Variants in GRID1 observed in about 807,000 individuals in gnomAD.
The protein encoded by GRID1 is glutamate receptor ionotropic, delta-1.
GRID1 carries 28 observed loss-of-function variants against 98.0 expected under a neutral mutation model. That is an observed-to-expected ratio of 0.29 (90% CI 0.21 to 0.39). The LOEUF (loss-of-function observed/expected upper bound fraction) is 0.39. Ranked by LOEUF, GRID1 falls within the 10% of genes least tolerant of loss-of-function variation. The probability of loss-of-function intolerance (pLI) is 1.00; values close to 1 mark genes in which losing one functional copy is unlikely to be tolerated. For missense variants in GRID1, 1,111 were observed against 1,340.5 expected, an observed-to-expected ratio of 0.83 and a Z score of 2.67; for synonymous variants, 553 against 538.5, an observed-to-expected ratio of 1.03 and a Z score of -0.37.
intron 2 of GRID1, among the ~76,000 whole-genome samples, chr10:86,343,533 T>C (rs1406034211): frequency 5.3e-5 from 8 of 152,174 alleles, no homozygotes; most frequent in Non-Finnish European, 8.8e-5. Context: ...ACTGATAAAA[T>C]GAGATGAAAT....
intron 5 of GRID1, among the ~76,000 whole-genome samples, chr10:85,887,369 C>G (rs754557800): frequency 1.3e-5 from 2 of 152,156 alleles, no homozygotes; most frequent in Non-Finnish European, 2.9e-5. Context: ...TTAGCTGCCC[C>G]CTAAAAACTT....
intron 13 of GRID1, among the ~76,000 whole-genome samples, chr10:85,622,203 C>T (rs1055388945): frequency 1.3e-5 from 2 of 151,970 alleles, no homozygotes; most frequent in Non-Finnish European, 2.9e-5. Flanking sequence ...TGAAAGCACC[C>T]ACATTTATAG....
At chr10:86,073,564 C>G (rs1843834861) in intron 4 of GRID1, among the ~76,000 whole-genome samples, 1 of 152,152 alleles carries the variant, frequency 6.6e-6, no homozygotes, top group Admixed American at 6.5e-5. Flanking sequence ...CTGGAATGAT[C>G]CAGGGGGTGA....
At chr10:86,003,418 T>C (rs865949826) in intron 4 of GRID1, among the ~76,000 whole-genome samples, 1 of 152,234 alleles carries the variant, frequency 6.6e-6, no homozygotes, top group East Asian at 1.9e-4. Flanking sequence ...AAACAAGAAG[T>C]ATTTTTAATT....
intron 4 of GRID1, among the ~76,000 whole-genome samples, chr10:85,934,217 T>C (rs185981843): frequency 6.6e-6 from 1 of 152,220 alleles, no homozygotes; most frequent in East Asian, 1.9e-4. Context: ...ATGGAGGTAC[T>C]GGGCTGAAAG....
chr10:85,863,770 C>T (rs996711853), intron 6 of GRID1, among the ~76,000 whole-genome samples: 2 of 152,212 alleles, frequency 1.3e-5, no homozygotes, highest in African/African-American at 4.8e-5. Flanking sequence ...ATCTGCCTTC[C>T]TGGCAGCAGC....
intron 5 of GRID1, among the ~76,000 whole-genome samples, chr10:85,869,423 C>T (rs76088362): frequency 0.031 from 4,702 of 152,304 alleles, 92 homozygotes; most frequent in Middle Eastern, 0.058. Flanking sequence ...GACTAAACCA[C>T]TGGTGCACTG....
At chr10:85,962,592 C>T (rs1842284657) in intron 4 of GRID1, among the ~76,000 whole-genome samples, 1 of 152,180 alleles carries the variant, frequency 6.6e-6, no homozygotes, top group Non-Finnish European at 1.5e-5. Flanking sequence ...ACACTAACAG[C>T]TCCCAGTGGG....
At position 85,727,789 on chromosome 10, in the gene GRID1, A is replaced by G; in HGVS notation, c.1533+66T>C. On this transcript the variant is annotated intron_variant, in intron 10 of 15. Coordinates refer to ENST00000327946, the MANE Select transcript of GRID1 (RefSeq NM_017551.3). The stretch of plus-strand genomic sequence containing the variant: ...AAGGTTTCCACTGTGCAATTGGTCA[A>G]GTTTAGATATTACCCCAGAGGAAGA... 10 of 1,251,618 alleles carry G rather than the reference A, an allele frequency of 8.0e-6. No homozygotes were observed. The South Asian group carries it at 1.1e-4, about 14-fold the overall frequency. The allele number at this position is 1,251,618 out of a possible 1,614,324, so 77.5% of individuals were successfully genotyped here. A position where few individuals can be genotyped will look rare whatever the true frequency, so the allele number is the denominator to read the frequency against.
rs780471177 is a variant in GRID1, at chr10:86,197,388, C to A, written c.520+8976G>T. Among the ~76,000 whole-genome samples the A allele has an allele frequency of 6.1e-4, 93 of 152,214 alleles. 1 individual carries two copies. Among genetic ancestry groups the A allele is most frequent in the Non-Finnish European group, 1.1e-3 (78 of 67,956 alleles). ...GACAGGGAGCAGGAGGAGGGGAGGT[C>A]CCATCTGGACTAGTGGTCCTTCCAG... On this transcript the variant is annotated intron_variant, in intron 3 of 15. Coordinates refer to ENST00000327946, the MANE Select transcript of GRID1 (RefSeq NM_017551.3).
chr10:86,098,940 T>A (rs991550655), intron 4 of GRID1, among the ~76,000 whole-genome samples: 5 of 152,210 alleles, frequency 3.3e-5, no homozygotes. Flanking sequence ...CCACTTGAAA[T>A]AATATTAGTA....
rs912808589 is a variant in GRID1 at position 86,021,002 on chromosome 10, C to T, written c.727-104763G>A. Among the ~76,000 whole-genome samples the T allele has an allele frequency of 7.9e-5, 12 of 152,116 alleles. 1 individual carries two copies. The highest frequency in any genetic ancestry group is 2.2e-4 in the African/African-American group (9 of 41,484). Reference sequence around the variant, plus strand: ...AACTCTTGGAGACCACTTTGCAAGGCGTTTTTGTCTTTTCTGATTCTCATA... The same window carrying T: ...AACTCTTGGAGACCACTTTGCAAGGTGTTTTTGTCTTTTCTGATTCTCATA... On this transcript the variant is annotated intron_variant, in intron 4 of 15. Coordinates refer to ENST00000327946, the MANE Select transcript of GRID1 (RefSeq NM_017551.3).
At chr10:86,151,416 G>A (rs1845167555) in intron 3 of GRID1, among the ~76,000 whole-genome samples, 1 of 151,744 alleles carries the variant, frequency 6.6e-6, no homozygotes, top group Non-Finnish European at 1.5e-5. Flanking sequence ...TGTGCACCAA[G>A]ACACAGCAAC....
At position 86,206,257 on chromosome 10, in the gene GRID1, G is replaced by C. The variant is rs1846023272; in HGVS notation, c.520+107C>G. 5 of 1,081,978 alleles carry C rather than the reference G, an allele frequency of 4.6e-6. No homozygotes were observed. Among genetic ancestry groups the C allele is most frequent in the Non-Finnish European group, 6.6e-6 (5 of 762,088 alleles). The allele number at this position is 1,081,978 out of a possible 1,614,324, so 67.0% of individuals were successfully genotyped here. A position where few individuals can be genotyped will look rare whatever the true frequency, so the allele number is the denominator to read the frequency against. On this transcript the variant is annotated intron_variant, in intron 3 of 15. Coordinates refer to ENST00000327946, the MANE Select transcript of GRID1 (RefSeq NM_017551.3). The surrounding 1 kb of genome is among the most constrained non-coding windows in gnomAD (Gnocchi z 4.1). ...ACCCTATCACCTGGAGGCCCACTCA[G>C]CACAGACCACCCCTGACCGGTCCAG...
At chr10:86,007,894 C>A (rs1372518934) in intron 4 of GRID1, among the ~76,000 whole-genome samples, 1 of 151,334 alleles carries the variant, frequency 6.6e-6, no homozygotes, top group Admixed American at 6.6e-5. Flanking sequence ...GAGAGAGATT[C>A]AAGAATGGCT....
chr10:85,737,243 G>A (rs1841891930), intron 8 of GRID1, among the ~76,000 whole-genome samples: 1 of 152,096 alleles, frequency 6.6e-6, no homozygotes, highest in African/African-American at 2.4e-5. Context: ...AGTGTCCAGA[G>A]GACAGAGCTG....
intron 2 of GRID1, among the ~76,000 whole-genome samples, chr10:86,325,553 G>T (rs1848037054): frequency 6.6e-6 from 1 of 152,200 alleles, no homozygotes; most frequent in East Asian, 1.9e-4. Context: ...CATTAATGAA[G>T]TCCAATGCAA....
chr10:85,794,086 C>T (rs573330288), intron 8 of GRID1, among the ~76,000 whole-genome samples: 9 of 152,132 alleles, frequency 5.9e-5, no homozygotes, highest in South Asian at 2.1e-4. Context: ...ACAGCATCTC[C>T]GAGCACACTT....
chr10:86,271,658 T>C (rs887201939), intron 2 of GRID1, among the ~76,000 whole-genome samples: 1 of 152,172 alleles, frequency 6.6e-6, no homozygotes, highest in Non-Finnish European at 1.5e-5. Flanking sequence ...TAATGTCAAA[T>C]TTGATACAGC....
Sources: allele counts gnomAD v4.1 joint callset (sites outside exome capture counted in the v4.1 genomes callset), GRCh38; gene constraint gnomAD v4.1.1; non-coding constraint Gnocchi (gnomAD v3.1); transcripts MANE v1.5; gene names NCBI Gene and HGNC (gene_info 2026-07-23, HGNC 2026-07-21).